Variants in PPP1CC observed in about 807,000 individuals in gnomAD.
The protein encoded by PPP1CC is protein phosphatase 1 catalytic subunit gamma.
A neutral mutation model predicts 38.4 loss-of-function variants in PPP1CC; 16 were observed. The ratio of observed to expected loss-of-function variants is 0.42; its 90% confidence interval spans 0.28 to 0.63. PPP1CC has a LOEUF of 0.63. Among genes scored for constraint, PPP1CC ranks in the 30% least tolerant of loss-of-function variants. PPP1CC has a pLI of 0.25. For missense variants in PPP1CC, 170 were observed against 391.3 expected, an observed-to-expected ratio of 0.43 and a Z score of 4.77; for synonymous variants, 158 against 136.0, an observed-to-expected ratio of 1.16 and a Z score of -1.13.
At chr12:110,733,470 C>T (rs367752207) in intron 1 of PPP1CC, among the ~76,000 whole-genome samples, 214 of 152,146 alleles carry the variant, frequency 1.4e-3, no homozygotes, top group Non-Finnish European at 1.6e-3. Flanking sequence ...ATCAATGTTG[C>T]TAACAATTTT....
intron 1 of PPP1CC, among the ~76,000 whole-genome samples, chr12:110,736,037 T>C (rs2069940390): frequency 6.6e-6 from 1 of 151,504 alleles, no homozygotes; most frequent in South Asian, 2.1e-4. Flanking sequence ...CACTCCAGCC[T>C]GGGGAACAAG....
Position 110,740,679 on chromosome 12 carries a change from TAAC to T in PPP1CC, c.55+1971_55+1973del, listed in dbSNP as rs201980439. ...GAAAACCTGGTTTTCAAGTGCCACATAACAAGAGGAACTATTAAGAAACAATGA... is the reference window on the plus strand; with the variant it reads ...GAAAACCTGGTTTTCAAGTGCCACATAAGAGGAACTATTAAGAAACAATGA... On this transcript the variant is annotated intron_variant, in intron 1 of 6. Transcript: ENST00000335007. Among the ~76,000 whole-genome samples the T allele has an allele frequency of 2.4e-4, 36 of 152,286 alleles. No homozygotes were observed. In the East Asian group the frequency reaches 5.4e-3, roughly 23 times the overall value.
rs568920381 is a variant in PPP1CC, at chr12:110,739,681, G to C, written c.55+2972C>G. 8.5e-5 allele frequency among the ~76,000 whole-genome samples: 13 copies of C among 152,246 alleles called. 1 individual carries two copies. The highest frequency in any genetic ancestry group is 3.1e-4 in the African/African-American group (13 of 41,540). ...AGAGCCTGACATGGTCTTGCACTTT[G>C]ACAATGGCCTTCTTCAAAGCAAAGA... On this transcript the variant is annotated intron_variant, in intron 1 of 6. Transcript: ENST00000335007.
intron 4 of PPP1CC, among the ~76,000 whole-genome samples, chr12:110,723,578 T>C (rs1051615514): frequency 6.6e-6 from 1 of 152,170 alleles, no homozygotes; most frequent in Non-Finnish European, 1.5e-5. Context: ...GGTGCGATCA[T>C]AGCTCACTGC....
downstream of PPP1CC, among the ~76,000 whole-genome samples, chr12:110,718,419 A>G (rs2069704197): frequency 1.3e-5 from 2 of 152,230 alleles, no homozygotes; most frequent in South Asian, 4.1e-4. Flanking sequence ...ACTAATAATT[A>G]CAACTTCCTC....
chr12:110,741,604 T>C (rs894856185), intron 1 of PPP1CC, among the ~76,000 whole-genome samples: 33 of 152,184 alleles, frequency 2.2e-4, no homozygotes, highest in African/African-American at 7.5e-4. Context: ...TCACAAGTCT[T>C]AGATGAGCCG....
chr12:110,733,497 C>T lies in PPP1CC; in HGVS notation c.56-1596G>A, dbSNP rs979663400. 4.6e-5 allele frequency among the ~76,000 whole-genome samples: 7 copies of T among 151,870 alleles called. No individual in the cohort carries two copies. In the East Asian group the frequency reaches 9.6e-4, roughly 21 times the overall value. ...AACAATTTTTTTTTTTGGCTTTGGA[C>T]GCTCTCCACTGTCACCTTTGAACAT... On this transcript the variant is annotated intron_variant, in intron 1 of 6. Transcript: ENST00000335007.
rs376348872 is a variant in PPP1CC at position 110,722,283 on chromosome 12, T to C, written c.748-14A>G. The C allele has an allele frequency of 4.3e-6, 7 of 1,610,924 alleles. No individual in the cohort carries two copies. The highest frequency in any genetic ancestry group is 5.9e-6 in the Non-Finnish European group (7 of 1,177,892). ...ATCTTCAACCACCTTGAAGAGAAAA[T>C]TTTTTCAATATAAATAGGTGCAAAT... On this transcript the variant is annotated splice_polypyrimidine_tract_variant and intron_variant, in intron 5 of 6. Coordinates refer to ENST00000335007, the MANE Select transcript of PPP1CC (RefSeq NM_002710.4). This position sits in a 1 kb window ranked among gnomAD's most constrained non-coding sequence, Gnocchi z 5.4.
At chr12:110,730,206 C>T (rs2069856183) in intron 3 of PPP1CC, among the ~76,000 whole-genome samples, 2 of 152,184 alleles carry the variant, frequency 1.3e-5, no homozygotes, top group Admixed American at 1.3e-4. Flanking sequence ...AAAAAATACA[C>T]AAATTAGCCA....
Position 110,730,771 on chromosome 12 carries a change from A to T in PPP1CC, c.188-12T>A. On this transcript the variant is annotated splice_polypyrimidine_tract_variant and intron_variant, in intron 2 of 6. Transcript: ENST00000335007. ...TCCATGGATGTCACCTGGAAGCAAGAATTTTGTTACACAGTGTTCCCATAC... is the reference window on the plus strand; with the variant it reads ...TCCATGGATGTCACCTGGAAGCAAGTATTTTGTTACACAGTGTTCCCATAC... 1 of 1,571,812 alleles carries T rather than the reference A, an allele frequency of 6.4e-7. No individual in the cohort carries two copies. Among genetic ancestry groups the T allele is most frequent in the East Asian group, 2.2e-5 (1 of 44,624 alleles).
At position 110,722,767 on chromosome 12, in the gene PPP1CC, C is replaced by T; in HGVS notation, c.524-72G>A. On this transcript the variant is annotated intron_variant, in intron 4 of 6. Coordinates refer to ENST00000335007, the MANE Select transcript of PPP1CC (RefSeq NM_002710.4). The surrounding 1 kb of genome is among the most constrained non-coding windows in gnomAD (Gnocchi z 5.4). The stretch of plus-strand genomic sequence containing the variant: ...AAGGATACTACCCCTTCAAAAGTTC[C>T]ATTTGTCTACAGAGAAATTCAATAA... 9.2e-7 allele frequency: 1 copy of T among 1,082,544 alleles called. No individual in the cohort carries two copies. The highest frequency in any genetic ancestry group is 1.3e-6 in the Non-Finnish European group (1 of 765,278). The allele number at this position is 1,082,544 out of a possible 1,614,324, so 67.1% of individuals were successfully genotyped here.
intron 3 of PPP1CC, among the ~76,000 whole-genome samples, chr12:110,728,175 G>A (rs1237279489): frequency 6.6e-6 from 1 of 151,926 alleles, no homozygotes; most frequent in Admixed American, 6.5e-5. Context: ...AGAGGCGGGC[G>A]GATCATGAGG....
intron 2 of PPP1CC, 118 bp from the exon 3 acceptor site, chr12:110,730,877 G>GA (rs1271650412): frequency 3.1e-5 from 21 of 671,876 alleles, no homozygotes; most frequent in Non-Finnish European, 5.2e-5. Context: ...CTCTAGTAAT[G>GA]AGAGTTTAAC....
intron 3 of PPP1CC, among the ~76,000 whole-genome samples, chr12:110,730,229 C>T (rs1043638932): frequency 6.6e-6 from 1 of 152,192 alleles, no homozygotes. Flanking sequence ...CGTGGTGATG[C>T]ATGTCTGCAG....
the PPP1CC span, among the ~76,000 whole-genome samples, chr12:110,710,590 T>C: frequency 8.6e-5 from 13 of 151,038 alleles, no homozygotes; most frequent in African/African-American, 1.5e-4. Flanking sequence ...TGGTGGTGGG[T>C]GCCTGTAGTC....
chr12:110,726,101 TGTCCTTA>T (rs1354501963), intron 3 of PPP1CC: 4 of 152,204 alleles, frequency 2.6e-5, no homozygotes, highest in Admixed American at 2.6e-4. Flanking sequence ...ACCAAGAGTT[TGTCCTTA>T]GTCTCTTTTC....
At chr12:110,737,497 A>AAAAG (rs1566088389) in intron 1 of PPP1CC, among the ~76,000 whole-genome samples, 2 of 147,624 alleles carry the variant, frequency 1.4e-5, no homozygotes, top group African/African-American at 2.6e-5. Context: ...AAAAAAAAAA[A>AAAAG]AAAAGAAAAG....
In PPP1CC at chr12:110,738,057, C is replaced by G. The variant is rs770753768; in HGVS notation, c.55+4596G>C. Among the ~76,000 whole-genome samples, 131 of 151,782 alleles carry G rather than the reference C, an allele frequency of 8.6e-4. 2 individuals carry two copies. The highest frequency in any genetic ancestry group is 2.4e-4 in the Non-Finnish European group (16 of 68,038). ...CCAATCCATTAAAAACTTTAATTTT[C>G]ACAGTCTAAGAACACATTTCGGTAA... is the stretch of plus-strand genomic sequence containing the variant. On this transcript the variant is annotated intron_variant, in intron 1 of 6. Transcript: ENST00000335007.
chr12:110,720,145 G>T lies in PPP1CC; in HGVS notation c.*931C>A. ...GAAAGCATAATCGGTCACTCGTATA[G>T]AACAGTATTGTTTCTATAATTTGAA... On this transcript the variant is annotated 3_prime_UTR_variant, in exon 7 of 7. Coordinates refer to ENST00000335007, the MANE Select transcript of PPP1CC (RefSeq NM_002710.4). 1 of 1,553,262 alleles carries T rather than the reference G, an allele frequency of 6.4e-7. No homozygotes were observed. Among genetic ancestry groups the T allele is most frequent in the Middle Eastern group, 1.7e-4 (1 of 6,000 alleles).
Sources: allele counts gnomAD v4.1 joint callset (sites outside exome capture counted in the v4.1 genomes callset), GRCh38; gene constraint gnomAD v4.1.1; non-coding constraint Gnocchi (gnomAD v3.1); transcripts MANE v1.5; gene names NCBI Gene and HGNC (gene_info 2026-07-23, HGNC 2026-07-21).